The following CEP295 variants were observed in gnomAD, a reference collection of about 807,000 sequenced individuals.
CEP295 encodes centrosomal protein 295, also known as centrosomal protein of 295 kDa.
In CEP295, 190 loss-of-function variants were observed where a neutral mutation model predicts 291.6. The observed-to-expected ratio is 0.65, with a 90% CI of 0.58 to 0.73. The LOEUF (loss-of-function observed/expected upper bound fraction) is 0.73, where lower values mean the gene tolerates loss of function less well. Among genes scored for constraint, CEP295 ranks in the 30% least tolerant of loss-of-function variants. The pLI is 0.00. For synonymous variants in CEP295, 993 were observed against 1,038.8 expected (o/e 0.96, Z 0.85); for missense variants, 2,863 against 2,949.4 (o/e 0.97, Z 0.68).
chr11:93,718,052 C>T (rs989095543), intron 18 of CEP295, among the ~76,000 whole-genome samples: 19 of 152,174 alleles, frequency 1.2e-4, no homozygotes, highest in Non-Finnish European at 2.5e-4. Flanking sequence ...GCTAGGACTA[C>T]AGGCATGCAC....
intron 21 of CEP295, 70 bp from the exon 22 acceptor site, chr11:93,724,184 T>G: frequency 7.3e-7 from 1 of 1,367,728 alleles, no homozygotes; most frequent in Non-Finnish European, 1.0e-6. Flanking sequence ...CCTTTTCTAG[T>G]GTTTACCTTA....
intron 18 of CEP295, among the ~76,000 whole-genome samples, chr11:93,708,598 G>A (rs762912427): frequency 6.6e-6 from 1 of 152,094 alleles, no homozygotes; most frequent in South Asian, 2.1e-4. Context: ...ATTGTGAACA[G>A]TGCTGCAGTC....
chr11:93,727,572 C>A lies in CEP295; in HGVS notation c.7096C>A (p.Leu2366Ile). The A allele has an allele frequency of 6.4e-7, 1 of 1,551,160 alleles. No individual in the cohort carries two copies. The highest frequency in any genetic ancestry group is 8.7e-7 in the Non-Finnish European group (1 of 1,146,832). The part of the protein sequence containing the change: ...IPKITKKLSQ[L>I]GESELFASSG... ...AAAAATCACCAAAAAACTATCTCAA[C>A]TAGGAGAATCAGAGCTTTTTGCAAG... The change falls in exon 24 of 30, where the codon CTA (leucine) becomes ATA (isoleucine). Residue 2366 changes from leucine to isoleucine, a missense_variant. By Grantham distance (5) the Leu-to-Ile change is conservative. Around this residue, in one of 3 missense-constraint regions of CEP295, gnomAD observed 2,295 missense variants for 2,335.7 expected, o/e 0.98. Coordinates refer to ENST00000325212, the MANE Select transcript of CEP295 (RefSeq NM_033395.2).
chr11:93,711,699 C>A (rs1336474679), intron 18 of CEP295, among the ~76,000 whole-genome samples: 1 of 152,068 alleles, frequency 6.6e-6, no homozygotes, highest in Non-Finnish European at 1.5e-5. Context: ...GATGGAGTTT[C>A]ACCATATTGG....
chr11:93,729,821 ATG>A, intron 27 of CEP295, 40 bp downstream of exon 27: 1 of 1,537,942 alleles, frequency 6.5e-7, no homozygotes, highest in Non-Finnish European at 8.8e-7. Context: ...ACTCCCTGAA[ATG>A]TTTAAAGCCT....
intron 7 of CEP295, among the ~76,000 whole-genome samples, chr11:93,681,860 GT>G (rs59389595): frequency 4.1e-5 from 5 of 121,724 alleles, no homozygotes; most frequent in African/African-American, 1.0e-4. Context: ...TTTTGTTTTT[GT>G]TTTTTTTTTT....
chr11:93,716,156 C>T (rs549369534), intron 18 of CEP295, among the ~76,000 whole-genome samples: 22 of 152,254 alleles, frequency 1.4e-4, no homozygotes, highest in Middle Eastern at 3.4e-3. Context: ...CAAGACTTGC[C>T]AAAACTCAAC....
intron 6 of CEP295, among the ~76,000 whole-genome samples, chr11:93,678,470 GA>G (rs1336511790): frequency 6.6e-6 from 1 of 152,178 alleles, no homozygotes; most frequent in Non-Finnish European, 1.5e-5. Flanking sequence ...CACCATGTGA[GA>G]ATTTTTAATA....
rs779078716 is a variant in CEP295 at position 93,687,778 on chromosome 11, G to C, written c.1249G>C (p.Val417Leu). The C allele has an allele frequency of 6.4e-7, 1 of 1,551,306 alleles. No individual in the cohort carries two copies. The highest frequency in any genetic ancestry group is 2.4e-5 in the East Asian group (1 of 40,884). ...GGATGAAAGTGAAATGATTACGACT[G>C]TTAGTGAAATTGAGAGTAAAGCACC... ...SEDESEMITT[V>L]SEIESKAPTV... Residue 417 changes from valine (V) to leucine (L), a missense_variant, in exon 10 of 30, where the codon GTT becomes CTT. Val to Leu is a conservative substitution (Grantham distance 32, BLOSUM62 1). Coordinates refer to ENST00000325212, the MANE Select transcript of CEP295 (RefSeq NM_033395.2).
chr11:93,717,736 T>A (rs1325692280), intron 18 of CEP295, among the ~76,000 whole-genome samples: 1 of 149,938 alleles, frequency 6.7e-6, no homozygotes, highest in Non-Finnish European at 1.5e-5. Context: ...AGGGGTCTCA[T>A]TTTTTTTTTC....
chr11:93,681,403 ATTTTTTTTTTTTTTTTTTT>A (rs71064773), intron 7 of CEP295, among the ~76,000 whole-genome samples: 1 of 36,528 alleles, frequency 2.7e-5, no homozygotes, highest in African/African-American at 1.2e-4. Context: ...CACCCAGCTA[ATTTTTTTTTTTTTTTTTTT>A]TTTTTTTTTT....
Position 93,699,311 on chromosome 11 carries a change from A to AGGG in CEP295, c.4399_4400insGGG (p.Thr1467delinsArgAla). The AGGG allele has an allele frequency of 6.4e-7, 1 of 1,552,092 alleles. No homozygotes were observed. The highest frequency in any genetic ancestry group is 8.7e-7 in the Non-Finnish European group (1 of 1,147,036). ...ACTTGAAGAACACTTGCATGCACAG[A>AGGG]CAGATTTCCTTCCTTCTATTGAGAA... is the stretch of plus-strand genomic sequence containing the variant. On this transcript the variant is annotated protein_altering_variant, in exon 15 of 30. Coordinates refer to ENST00000325212, the MANE Select transcript of CEP295 (RefSeq NM_033395.2).
intron 18 of CEP295, among the ~76,000 whole-genome samples, chr11:93,713,340 T>C (rs1156363072): frequency 1.3e-5 from 2 of 152,230 alleles, no homozygotes; most frequent in Non-Finnish European, 2.9e-5. Flanking sequence ...AATGTTTTCT[T>C]TCCAATTGAA....
rs943044738 is a variant in CEP295 at position 93,729,487 on chromosome 11, T to C, written c.7356T>C (p.Ala2452=). ...VSATEASDYP[A]VSELSIEKPR... is the part of the protein sequence containing the mutation. ...CAACAGAAGCCTCAGATTATCCAGC[T>C]GTATCAGAACTTTCCATAGAAAAAC... Residue 2452 remains alanine, a synonymous_variant, in exon 26 of 30, where the codon GCT becomes GCC. Coordinates refer to ENST00000325212, the MANE Select transcript of CEP295 (RefSeq NM_033395.2). 3 of 1,551,862 alleles carry C rather than the reference T, an allele frequency of 1.9e-6. No homozygotes were observed. The highest frequency in any genetic ancestry group is 2.6e-6 in the Non-Finnish European group (3 of 1,147,048).
intron 19 of CEP295, 173 bp downstream of exon 19, chr11:93,721,585 C>A (rs1208654249): frequency 2.6e-6 from 2 of 761,440 alleles, no homozygotes; most frequent in Admixed American, 3.4e-5. Context: ...AGAAGTCTTT[C>A]CAGTCTACCT....
chr11:93,723,451 G>A (rs532300297), intron 21 of CEP295, 162 bp downstream of exon 21: 5 of 573,326 alleles, frequency 8.7e-6, no homozygotes, highest in Non-Finnish European at 1.2e-5. Flanking sequence ...AGTGAGAAAG[G>A]GGATCTGGAA....
chr11:93,682,421 G>A (rs1456623701), intron 7 of CEP295, among the ~76,000 whole-genome samples: 5 of 151,938 alleles, frequency 3.3e-5, no homozygotes, highest in African/African-American at 7.2e-5. Flanking sequence ...ACGGGATTTC[G>A]CCATATTGGC....
chr11:93,722,049 A>G lies in CEP295; in HGVS notation c.5946A>G (p.Pro1982=). The change falls in exon 20 of 30, where the codon CCA becomes CCG. Residue 1982 remains proline (P), a splice_region_variant and synonymous_variant. Transcript: ENST00000325212. ...ACACAGATTTGAGCCTTACAGATCCAGGTAATAAGGTCAAAATGTTTATAA... is the reference window on the plus strand; with the variant it reads ...ACACAGATTTGAGCCTTACAGATCCGGGTAATAAGGTCAAAATGTTTATAA... The part of the protein sequence containing the change: ...YENTDLSLTD[P]ESFSEHMDDS... 2.6e-6 allele frequency: 4 copies of G among 1,519,514 alleles called. No individual in the cohort carries two copies. The highest frequency in any genetic ancestry group is 3.6e-6 in the Non-Finnish European group (4 of 1,116,570). The allele number at this position is 1,519,514 out of a possible 1,614,324, so 94.1% of individuals were successfully genotyped here.
Position 93,727,044 on chromosome 11 carries a change from C to A in CEP295, c.6568C>A (p.Leu2190Ile), listed in dbSNP as rs1954203004. The change falls in exon 24 of 30, where the codon CTA becomes ATA. Residue 2190 changes from leucine (L) to isoleucine (I), a missense_variant. Leu to Ile is a conservative substitution (Grantham distance 5). Coordinates refer to ENST00000325212, the MANE Select transcript of CEP295 (RefSeq NM_033395.2). ...SSQEESQHAD[L>I]PSIFSIEARD... Reference sequence around the variant, plus strand: ...ACAGGAGGAGAGCCAGCATGCTGATCTACCAAGTATTTTTAGCATTGAAGC... The same window carrying A: ...ACAGGAGGAGAGCCAGCATGCTGATATACCAAGTATTTTTAGCATTGAAGC... 2 of 1,551,538 alleles carry A rather than the reference C, an allele frequency of 1.3e-6. No individual in the cohort carries two copies. Among genetic ancestry groups the A allele is most frequent in the East Asian group, 4.9e-5 (2 of 40,892 alleles).
Sources: gnomAD v4.1 joint callset for allele counts (sites outside exome capture counted in the v4.1 genomes callset) on GRCh38, gnomAD v4.1.1 for gene constraint, gnomAD v4.1.1 regional missense constraint, MANE v1.5 for transcripts, NCBI Gene and HGNC (gene_info 2026-07-23, HGNC 2026-07-21) for gene names.